The following FLT1 variants were observed in gnomAD, a reference collection of about 807,000 sequenced individuals.
FLT1 encodes fms related receptor tyrosine kinase 1.
Under a neutral mutation model 156.3 loss-of-function variants are expected in FLT1, and 49 were observed. That is an observed-to-expected ratio of 0.31 (90% confidence interval 0.25 to 0.40). The LOEUF (loss-of-function observed/expected upper bound fraction) is 0.40, where lower values mean the gene tolerates loss of function less well. FLT1 is among the 10% of genes least tolerant of loss of function. The pLI is 1.00. For synonymous variants in FLT1, 594 were observed against 583.8 expected, an observed-to-expected ratio of 1.02 and a Z score of -0.25; for missense variants, 1,322 against 1,637.2, an observed-to-expected ratio of 0.81 and a Z score of 3.32.
In FLT1 at chr13:28,347,084, C is replaced by T. The variant is rs538326028; in HGVS notation, c.2249-1533G>A. Among the ~76,000 whole-genome samples the T allele has an allele frequency of 1.1e-4, 16 of 152,172 alleles. No individual in the cohort carries two copies. The East Asian group carries it at 1.4e-3, about 13-fold the overall frequency. On this transcript the variant is annotated intron_variant, in intron 15 of 29. Coordinates refer to ENST00000282397, the MANE Select transcript of FLT1 (RefSeq NM_002019.4). ...CAAAGAAATTAGATTTTGAAAGATT[C>T]GGCTGCTGAGGGAATCTAATATATA...
At chr13:28,358,788 A>C (rs896822598) in intron 14 of FLT1, among the ~76,000 whole-genome samples, 2 of 152,234 alleles carry the variant, frequency 1.3e-5, no homozygotes, top group African/African-American at 4.8e-5. Context: ...ATGTTTAATG[A>C]ATGAGAATGA....
intron 10 of FLT1, among the ~76,000 whole-genome samples, chr13:28,412,381 T>TTTCTTTCTTTTCC (rs1876323263): frequency 1.1e-5 from 1 of 88,208 alleles, no homozygotes; most frequent in Non-Finnish European, 2.5e-5. Context: ...TCTTTCTTTC[T>TTTCTTTCTTTTCC]TTCTTTCTTT....
chr13:28,402,514 A>C (rs1875504651), intron 11 of FLT1, among the ~76,000 whole-genome samples: 1 of 152,092 alleles, frequency 6.6e-6, no homozygotes, highest in Non-Finnish European at 1.5e-5. Flanking sequence ...TTAAAGTCTA[A>C]TATATTACAA....
chr13:28,309,665 C>A (rs1024470194), intron 27 of FLT1, among the ~76,000 whole-genome samples: 2 of 149,752 alleles, frequency 1.3e-5, no homozygotes, highest in Non-Finnish European at 3.0e-5. Context: ...CCACCCACCC[C>A]CCCTCCCTCT....
chr13:28,381,788 A>G (rs1270124099), intron 14 of FLT1, among the ~76,000 whole-genome samples: 1 of 152,174 alleles, frequency 6.6e-6, no homozygotes, highest in Non-Finnish European at 1.5e-5. Context: ...AAGATACTCT[A>G]AAGGTCCCTT....
chr13:28,329,607 T>A lies in FLT1; in HGVS notation c.2707+8A>T. On this transcript the variant is annotated splice_region_variant and intron_variant, in intron 19 of 29. Transcript: ENST00000282397. Reference sequence around the variant, plus strand: ...GGAGACGGAGCCGGCCCTCCCCTTCTCCATTACCTCCTTGCTTGGTGCAGG... The same window carrying A: ...GGAGACGGAGCCGGCCCTCCCCTTCACCATTACCTCCTTGCTTGGTGCAGG... The A allele has an allele frequency of 6.2e-7, 1 of 1,601,724 alleles. No homozygotes were observed. The highest frequency in any genetic ancestry group is 8.6e-7 in the Non-Finnish European group (1 of 1,168,844).
intron 1 of FLT1, among the ~76,000 whole-genome samples, chr13:28,467,839 T>A (rs1192666223): frequency 2.0e-5 from 3 of 152,182 alleles, no homozygotes; most frequent in Non-Finnish European, 4.4e-5. Flanking sequence ...TATCCTTTTA[T>A]ACCAAATGAC....
At chr13:28,446,756 G>A (rs59472003) in intron 3 of FLT1, among the ~76,000 whole-genome samples, 2,825 of 152,222 alleles carry the variant, frequency 0.019, 95 homozygotes, top group African/African-American at 0.064. Context: ...TGCAATAACT[G>A]TAAGAATCCC....
intron 3 of FLT1, among the ~76,000 whole-genome samples, chr13:28,446,145 A>G (rs1272010523): frequency 6.6e-6 from 1 of 152,258 alleles, no homozygotes; most frequent in African/African-American, 2.4e-5. Flanking sequence ...TGGGAATTGC[A>G]CTGAATTTCC....
At chr13:28,448,697 T>A (rs1878752968) in intron 3 of FLT1, among the ~76,000 whole-genome samples, 1 of 152,238 alleles carries the variant, frequency 6.6e-6, no homozygotes, top group Non-Finnish European at 1.5e-5. Context: ...CATATATCTG[T>A]CAATATGCTA....
At chr13:28,473,667 AAGAAAGAG>A (rs775903291) in intron 1 of FLT1, among the ~76,000 whole-genome samples, 15 of 128,366 alleles carry the variant, frequency 1.2e-4, no homozygotes, top group African/African-American at 4.2e-4. Flanking sequence ...GAAAGAAAGA[AAGAAAGAG>A]AGAGAGAGAG....
chr13:28,462,106 T>TGA (rs1397308791), intron 3 of FLT1, among the ~76,000 whole-genome samples: 1 of 152,070 alleles, frequency 6.6e-6, no homozygotes, highest in Non-Finnish European at 1.5e-5. Flanking sequence ...TTACGGCTGG[T>TGA]GAGAGAGAGA....
At chr13:28,330,029 G>A (rs1305035232) in intron 18 of FLT1, among the ~76,000 whole-genome samples, 1 of 152,212 alleles carries the variant, frequency 6.6e-6, no homozygotes, top group Non-Finnish European at 1.5e-5. Context: ...TCGTGAAAGT[G>A]CCTTCCAAAG....
intron 15 of FLT1, among the ~76,000 whole-genome samples, chr13:28,349,202 T>G (rs1253714574): frequency 6.6e-6 from 1 of 152,182 alleles, no homozygotes; most frequent in Non-Finnish European, 1.5e-5. Flanking sequence ...CTGAAAATAG[T>G]GGTCAAATGA....
chr13:28,482,357 GA>G (rs1880906619), intron 1 of FLT1, among the ~76,000 whole-genome samples: 1 of 152,138 alleles, frequency 6.6e-6, no homozygotes, highest in East Asian at 1.9e-4. Flanking sequence ...AGAATTGCTT[GA>G]ACCCAGGAGG....
At chr13:28,433,720 A>C in intron 6 of FLT1, 99 bp downstream of exon 6, 1 of 1,106,316 alleles carries the variant, frequency 9.0e-7, no homozygotes, top group South Asian at 1.3e-5. Context: ...CTGCCACAGG[A>C]GTCAGGATTT....
In FLT1 at chr13:28,468,098, G is replaced by A. The variant is rs535064112; in HGVS notation, c.65-481C>T. ...GAATAAAAAGTACAGAAATTTTCCTGGGCTCTGAATTTCATGCAATCATTA... is the reference window on the plus strand; with the variant it reads ...GAATAAAAAGTACAGAAATTTTCCTAGGCTCTGAATTTCATGCAATCATTA... On this transcript the variant is annotated intron_variant, in intron 1 of 29. Coordinates refer to ENST00000282397, the MANE Select transcript of FLT1 (RefSeq NM_002019.4). 2.2e-4 allele frequency among the ~76,000 whole-genome samples: 33 copies of A among 152,104 alleles called. 2 individuals carry two copies. In the South Asian group the frequency reaches 6.7e-3, roughly 31 times the overall value.
chr13:28,422,258 A>G (rs747156784), intron 10 of FLT1, among the ~76,000 whole-genome samples: 5 of 152,202 alleles, frequency 3.3e-5, no homozygotes, highest in African/African-American at 4.8e-5. Flanking sequence ...TAGTTATCAC[A>G]GATAGCTTAT....
At chr13:28,401,793 CT>C (rs1241578931) in intron 11 of FLT1, among the ~76,000 whole-genome samples, 1 of 152,186 alleles carries the variant, frequency 6.6e-6, no homozygotes, top group African/African-American at 2.4e-5. Context: ...GGTTAGGATT[CT>C]TGCTCCTGTC....
Sources: gnomAD v4.1 joint callset for allele counts (sites outside exome capture counted in the v4.1 genomes callset) on GRCh38, gnomAD v4.1.1 for gene constraint, MANE v1.5 for transcripts, NCBI Gene and HGNC (gene_info 2026-07-23, HGNC 2026-07-21) for gene names.